XRCC4: variants seen among roughly 807,000 people sequenced by gnomAD.
The protein encoded by XRCC4 is X-ray repair cross complementing 4, also known as DNA repair protein XRCC4.
A neutral mutation model predicts 39.1 loss-of-function variants in XRCC4; 28 were observed. The observed-to-expected ratio is 0.72, with a 90% CI of 0.53 to 0.98. The LOEUF (loss-of-function observed/expected upper bound fraction) is 0.98. Ranked by LOEUF, XRCC4 falls within the 50% of genes least tolerant of loss-of-function variation. XRCC4 has a pLI of 0.00. For missense variants in XRCC4, 350 were observed against 376.4 expected (o/e 0.93, Z 0.58); for synonymous variants, 123 against 126.4 (o/e 0.97, Z 0.18).
At chr5:83,138,552 G>A (rs575868458) in intron 3 of XRCC4, among the ~76,000 whole-genome samples, 40 of 150,540 alleles carry the variant, frequency 2.7e-4, no homozygotes, top group South Asian at 1.3e-3. Flanking sequence ...TATAAGCAAA[G>A]TATATTAGCA....
intron 2 of XRCC4, among the ~76,000 whole-genome samples, chr5:83,109,125 A>G (rs1357095287): frequency 1.3e-5 from 2 of 151,838 alleles, no homozygotes; most frequent in Admixed American, 6.6e-5. Context: ...ATTAACTGTC[A>G]TGGGTCTTCC....
chr5:83,356,456 GTCATAA>G (rs1329988448), downstream of XRCC4, among the ~76,000 whole-genome samples: 3 of 152,032 alleles, frequency 2.0e-5, no homozygotes, highest in Non-Finnish European at 2.9e-5. Flanking sequence ...GTCTATAAAG[GTCATAA>G]TATTTAGAAA....
chr5:83,371,147 A>T, the XRCC4 span, among the ~76,000 whole-genome samples: 1 of 152,120 alleles, frequency 6.6e-6, no homozygotes, highest in African/African-American at 2.4e-5. Flanking sequence ...TGTCTTGAGT[A>T]TCCCTTCTCA....
chr5:83,303,928 A>G (rs1755386772), intron 7 of XRCC4, among the ~76,000 whole-genome samples: 1 of 152,204 alleles, frequency 6.6e-6, no homozygotes, highest in African/African-American at 2.4e-5. Flanking sequence ...TTTGCACTCA[A>G]CTACAGTCAA....
intron 7 of XRCC4, among the ~76,000 whole-genome samples, chr5:83,347,742 CA>C (rs1057053329): frequency 8.5e-5 from 13 of 152,238 alleles, no homozygotes; most frequent in African/African-American, 2.9e-4. Context: ...AAGAGTCCCC[CA>C]AAATCTTAAC....
At chr5:83,229,765 T>G (rs947121862) in intron 6 of XRCC4, among the ~76,000 whole-genome samples, 3 of 151,032 alleles carry the variant, frequency 2.0e-5, no homozygotes, top group Admixed American at 6.6e-5. Flanking sequence ...AACTGTTTGG[T>G]CTTTAATATG....
intron 3 of XRCC4, among the ~76,000 whole-genome samples, chr5:83,183,515 A>T (rs1750300182): frequency 6.6e-6 from 1 of 151,060 alleles, no homozygotes; most frequent in Admixed American, 6.6e-5. Flanking sequence ...TGTGGACTAG[A>T]GTGTGTCCTC....
chr5:83,373,680 A>G, the XRCC4 span, among the ~76,000 whole-genome samples: 21 of 152,310 alleles, frequency 1.4e-4, no homozygotes, highest in South Asian at 4.4e-3. Flanking sequence ...GTGTGTATTT[A>G]ACACTCTTCA....
intron 1 of XRCC4, among the ~76,000 whole-genome samples, chr5:83,103,298 T>C (rs889504683): frequency 3.3e-5 from 5 of 152,032 alleles, no homozygotes; most frequent in African/African-American, 1.2e-4. Context: ...ACTTAACAAA[T>C]GGATGATGGT....
intron 6 of XRCC4, among the ~76,000 whole-genome samples, chr5:83,205,283 A>G (rs1407422749): frequency 6.6e-6 from 1 of 152,154 alleles, no homozygotes; most frequent in Non-Finnish European, 1.5e-5. Flanking sequence ...AGCTAAAGCC[A>G]TGAATAGGCC....
intron 7 of XRCC4, among the ~76,000 whole-genome samples, chr5:83,266,593 AT>A (rs1407936224): frequency 6.6e-6 from 1 of 151,988 alleles, no homozygotes; most frequent in Non-Finnish European, 1.5e-5. Context: ...TTTTTGGAAA[AT>A]TGTTACTAAA....
In XRCC4 at chr5:83,099,863, A is replaced by G. The variant is rs140526218; in HGVS notation, c.-10-5047A>G. Among the ~76,000 whole-genome samples, 1,262 of 152,270 alleles carry G rather than the reference A, an allele frequency of 8.3e-3. 20 individuals carry two copies. Among genetic ancestry groups the G allele is most frequent in the African/African-American group, 0.029 (1,191 of 41,546 alleles). ...TCAAGTAGTCTTGGGGCAAAAAACT[A>G]TGGCTGACTATTCCCATTTACAGGG... is the stretch of plus-strand genomic sequence containing the variant. On this transcript the variant is annotated intron_variant, in intron 1 of 7. Coordinates refer to ENST00000396027, the MANE Select transcript of XRCC4 (RefSeq NM_003401.5).
chr5:83,111,784 G>A (rs1266306877), intron 3 of XRCC4, among the ~76,000 whole-genome samples: 1 of 152,046 alleles, frequency 6.6e-6, no homozygotes, highest in Non-Finnish European at 1.5e-5. Context: ...GATCAAGGCA[G>A]GTGGTTTATT....
At chr5:83,321,382 G>T (rs1280232948) in intron 7 of XRCC4, among the ~76,000 whole-genome samples, 1 of 151,910 alleles carries the variant, frequency 6.6e-6, no homozygotes, top group African/African-American at 2.4e-5. Flanking sequence ...CAGATATTTT[G>T]GAATGATGTA....
At chr5:83,241,910 TG>T (rs1752923395) in intron 6 of XRCC4, among the ~76,000 whole-genome samples, 2 of 151,654 alleles carry the variant, frequency 1.3e-5, no homozygotes, top group South Asian at 4.2e-4. Flanking sequence ...GTCTTTACCC[TG>T]GCATTCCCAT....
chr5:83,106,248 G>C (rs1422027760), intron 2 of XRCC4, among the ~76,000 whole-genome samples: 1 of 152,102 alleles, frequency 6.6e-6, no homozygotes, highest in Non-Finnish European at 1.5e-5. Context: ...TTAGGGTGAA[G>C]AGTGTATAAG....
chr5:83,137,747 G>A (rs1747970099), intron 3 of XRCC4, among the ~76,000 whole-genome samples: 1 of 152,080 alleles, frequency 6.6e-6, no homozygotes, highest in African/African-American at 2.4e-5. Flanking sequence ...ATTAATTAGT[G>A]TGTGTGTGTA....
At chr5:83,358,073 A>G (rs1158554196), downstream of XRCC4, among the ~76,000 whole-genome samples, 1 of 152,166 alleles carries the variant, frequency 6.6e-6, no homozygotes, top group African/African-American at 2.4e-5. Flanking sequence ...TATTGTCTGA[A>G]TTTAACATTT....
chr5:83,296,711 G>A (rs1755107782), intron 7 of XRCC4, among the ~76,000 whole-genome samples: 1 of 151,814 alleles, frequency 6.6e-6, no homozygotes, highest in African/African-American at 2.4e-5. Context: ...TTGGCCCTCT[G>A]GAAAGATTAA....
Sources: gnomAD v4.1 joint callset for allele counts (sites outside exome capture counted in the v4.1 genomes callset) on GRCh38, gnomAD v4.1.1 for gene constraint, MANE v1.5 for transcripts, NCBI Gene and HGNC (gene_info 2026-07-23, HGNC 2026-07-21) for gene names.